NOA1: variants seen among roughly 807,000 people sequenced by gnomAD.
The protein encoded by NOA1 is nitric oxide associated 1, also known as nitric oxide-associated protein 1.
In NOA1, 35 loss-of-function variants were observed where a neutral mutation model predicts 58.4. The ratio of observed to expected loss-of-function variants is 0.60; its 90% CI spans 0.46 to 0.79. The LOEUF (loss-of-function observed/expected upper bound fraction) is 0.79, where lower values mean the gene tolerates loss of function less well. Ranked by LOEUF, NOA1 falls within the 30% of genes least tolerant of loss-of-function variation. The pLI, the probability that NOA1 is intolerant of heterozygous loss-of-function variation, is 0.00. For missense variants in NOA1, 895 were observed against 894.6 expected, an observed-to-expected ratio of 1.00 and a Z score of -0.01; for synonymous variants, 397 against 373.4, an observed-to-expected ratio of 1.06 and a Z score of -0.73.
chr4:56,973,030 C>T, intron 3 of NOA1, 118 bp downstream of exon 3: 1 of 861,164 alleles, frequency 1.2e-6, no homozygotes, highest in East Asian at 2.5e-5. Flanking sequence ...GCATTACACT[C>T]TTTCTCTATT....
rs781692694 is a variant in NOA1, at chr4:56,976,424, G to A, written c.1144+18C>T. The A allele has an allele frequency of 8.1e-6, 13 of 1,602,232 alleles. No individual in the cohort carries two copies. The highest frequency in any genetic ancestry group is 4.5e-5 in the East Asian group (2 of 44,668). On this transcript the variant is annotated intron_variant, in intron 1 of 6. Coordinates refer to ENST00000264230, the MANE Select transcript of NOA1 (RefSeq NM_032313.4). ...CACCTTGCCAGGAAACGAAGAGGGC[G>A]AGCCTCCTAAAACTCACCTGGCCAA... is the stretch of plus-strand genomic sequence containing the variant.
rs775371391 is a variant in NOA1 at position 56,976,476 on chromosome 4, C to T, written c.1110G>A (p.Glu370=). 2 of 1,614,122 alleles carry T rather than the reference C, an allele frequency of 1.2e-6. No individual in the cohort carries two copies. Among genetic ancestry groups the T allele is most frequent in the South Asian group, 1.1e-5 (1 of 91,086 alleles). ...GGGAGATGGTGGCTCTGTCGATGGCCTCGGAGCCCTTGGCAGTGCAGTAAT... is the reference window on the plus strand; with the variant it reads ...GGGAGATGGTGGCTCTGTCGATGGCTTCGGAGCCCTTGGCAGTGCAGTAAT... ...ESDYCTAKGS[E]AIDRATISPW... The change falls in exon 1 of 7, where the codon GAG becomes GAA. Residue 370 remains glutamate (E), a synonymous_variant. Transcript: ENST00000264230.
At chr4:56,963,836 T>C (rs774488674) in intron 6 of NOA1, among the ~76,000 whole-genome samples, 175 bp from the exon 7 acceptor site, 2 of 152,052 alleles carry the variant, frequency 1.3e-5, no homozygotes, top group African/African-American at 2.4e-5. Flanking sequence ...TGAACTCAAG[T>C]TCCTGGGCTC....
intron 5 of NOA1, among the ~76,000 whole-genome samples, chr4:56,965,501 T>A (rs1023814002): frequency 2.6e-5 from 4 of 152,106 alleles, no homozygotes; most frequent in Non-Finnish European, 5.9e-5. Context: ...GAGTAATGAA[T>A]GTGTTCAGTC....
intron 1 of NOA1, among the ~76,000 whole-genome samples, chr4:56,974,246 A>G (rs1369859682): frequency 6.6e-6 from 1 of 152,198 alleles, no homozygotes; most frequent in East Asian, 1.9e-4. Context: ...ATTACCATTC[A>G]GTATAAAAGT....
intron 1 of NOA1, among the ~76,000 whole-genome samples, chr4:56,976,171 G>T (rs1200794065): frequency 6.6e-6 from 1 of 152,236 alleles, no homozygotes; most frequent in East Asian, 1.9e-4. Flanking sequence ...ACTTTGCTTT[G>T]TTCCCTGGTC....
chr4:56,973,231 T>C lies in NOA1; in HGVS notation c.1432A>G (p.Thr478Ala), dbSNP rs1309330263. The change falls in exon 3 of 7, where the codon ACC (threonine) becomes GCC (alanine). Residue 478 changes from threonine (T) to alanine (A), a missense_variant. Physicochemically the swap from Thr to Ala is moderately conservative, Grantham distance 58. Coordinates refer to ENST00000264230, the MANE Select transcript of NOA1 (RefSeq NM_032313.4). ...TGTGCAGTCAATTCTACTTGTTTGG[T>C]GGATTTGTGTGTACCCATAACAGGG... is the stretch of plus-strand genomic sequence containing the variant. ...NDPVMGTHKS[T>A]KQVELTAQDV... The C allele has an allele frequency of 1.2e-6, 2 of 1,614,150 alleles. No homozygotes were observed. Among genetic ancestry groups the C allele is most frequent in the South Asian group, 2.2e-5 (2 of 91,080 alleles).
At position 56,976,584 on chromosome 4, in the gene NOA1, G is replaced by A. The variant is rs1721927892; in HGVS notation, c.1002C>T (p.Ser334=). 6.2e-7 allele frequency: 1 copy of A among 1,614,272 alleles called. No individual in the cohort carries two copies. Among genetic ancestry groups the A allele is most frequent in the Admixed American group, 1.7e-5 (1 of 60,036 alleles). The change falls in exon 1 of 7, where the codon TCC becomes TCT. Residue 334 remains serine (S), a synonymous_variant. Coordinates refer to ENST00000264230, the MANE Select transcript of NOA1 (RefSeq NM_032313.4). The stretch of plus-strand genomic sequence containing the variant: ...AGTAGACGTCCCCACGGTAGCGCCA[G>A]GAGCGCTGAAGGGCAGAGATCAACT... ...VEELISALQR[S]WRYRGDVYLV...
chr4:56,975,974 G>A (rs756470124), intron 1 of NOA1, among the ~76,000 whole-genome samples: 1 of 152,178 alleles, frequency 6.6e-6, no homozygotes, highest in Non-Finnish European at 1.5e-5. Flanking sequence ...TTGAACCCGG[G>A]AGGCGGAGGT....
intron 1 of NOA1, among the ~76,000 whole-genome samples, chr4:56,976,229 C>A (rs879341477): frequency 1.1e-4 from 17 of 152,336 alleles, no homozygotes; most frequent in Non-Finnish European, 1.9e-4. Context: ...TCCATAAACA[C>A]TTCCATTGAA....
rs751013146 is a variant in NOA1, at chr4:56,977,514, G to A, written c.72C>T (p.Arg24=). The change falls in exon 1 of 7, where the codon CGC becomes CGT. Residue 24 remains arginine, a synonymous_variant. Transcript: ENST00000264230. ...CCAGGAGCGGCTCCCGGAGGCCATG[G>A]CGCGCTGCCGTGGGAGCGGATCCAC... ...FLRGSAPTAA[R]HGLREPLLER... is the part of the protein sequence containing the mutation. The A allele has an allele frequency of 5.0e-6, 8 of 1,613,168 alleles. No homozygotes were observed. The highest frequency in any genetic ancestry group is 5.1e-6 in the Non-Finnish European group (6 of 1,179,848).
chr4:56,970,026 C>G (rs1721786690), intron 3 of NOA1, among the ~76,000 whole-genome samples: 3 of 152,072 alleles, frequency 2.0e-5, no homozygotes, highest in Admixed American at 2.0e-4. Flanking sequence ...TCAAGTGATC[C>G]ACTTACCTTG....
chr4:56,965,904 A>G (rs1016276141), intron 5 of NOA1, among the ~76,000 whole-genome samples: 16 of 142,976 alleles, frequency 1.1e-4, no homozygotes, highest in African/African-American at 3.9e-4. Flanking sequence ...TGGCATAATC[A>G]TGGCTCACCA....
chr4:56,972,482 C>T (rs1221371456), intron 3 of NOA1, among the ~76,000 whole-genome samples: 1 of 152,152 alleles, frequency 6.6e-6, no homozygotes, highest in Non-Finnish European at 1.5e-5. Flanking sequence ...ACCTTAGTCC[C>T]AGATGGCTTT....
At chr4:56,966,573 C>T (rs1721713850) in intron 5 of NOA1, 47 bp downstream of exon 5, 1 of 1,110,806 alleles carries the variant, frequency 9.0e-7, no homozygotes, top group Non-Finnish European at 1.4e-6. Context: ...TGGGACCATC[C>T]CAGTGTATAC....
intron 4 of NOA1, 102 bp from the exon 5 acceptor site, chr4:56,966,838 C>A: frequency 2.7e-6 from 2 of 733,288 alleles, no homozygotes. Flanking sequence ...AAACAAAAAC[C>A]CAATCAGACT....
chr4:56,968,652 G>T (rs774226975), intron 3 of NOA1, 137 bp from the exon 4 acceptor site: 24 of 662,214 alleles, frequency 3.6e-5, no homozygotes, highest in Admixed American at 6.3e-5. Context: ...AGTTTGCTAT[G>T]CATCAAATTT....
Position 56,973,849 on chromosome 4 carries a change from G to C in NOA1, c.1309+9C>G. 1 of 1,613,412 alleles carries C rather than the reference G, an allele frequency of 6.2e-7. No individual in the cohort carries two copies. Among genetic ancestry groups the C allele is most frequent in the Non-Finnish European group, 8.5e-7 (1 of 1,179,570 alleles). On this transcript the variant is annotated intron_variant, in intron 2 of 6. Coordinates refer to ENST00000264230, the MANE Select transcript of NOA1 (RefSeq NM_032313.4). ...TACCAACGAGGGTTTTCCCATAGAG[G>C]ATGCTTACCTACGACATAACCATGC...
In NOA1 at chr4:56,976,626, G is replaced by A. The variant is rs1210850222; in HGVS notation, c.960C>T (p.Thr320=). The change falls in exon 1 of 7, where the codon ACC becomes ACT. Residue 320 remains threonine, a synonymous_variant. Transcript: ENST00000264230. ...VRDVRLISAK[T]GYGVEELISA... is the part of the protein sequence containing the mutation. ...AGATCAACTCTTCCACTCCATAGCC[G>A]GTCTTGGCGCTGATCAGCCGCACGT... is the stretch of plus-strand genomic sequence containing the variant. 4 of 1,614,116 alleles carry A rather than the reference G, an allele frequency of 2.5e-6. No individual in the cohort carries two copies. The highest frequency in any genetic ancestry group is 3.4e-6 in the Non-Finnish European group (4 of 1,180,048).
Sources: allele counts gnomAD v4.1 joint callset (sites outside exome capture counted in the v4.1 genomes callset), GRCh38; gene constraint gnomAD v4.1.1; transcripts MANE v1.5; gene names NCBI Gene and HGNC (gene_info 2026-07-23, HGNC 2026-07-21).